The following RBM5 variants were observed in gnomAD, a reference collection of about 807,000 sequenced individuals.
RBM5 encodes RNA binding motif protein 5.
Under a neutral mutation model 124.6 loss-of-function variants are expected in RBM5, and 15 were observed. The ratio of observed to expected loss-of-function variants is 0.12; its 90% confidence interval spans 0.08 to 0.19. The LOEUF (loss-of-function observed/expected upper bound fraction) is 0.19. RBM5 is among the 10% of genes least tolerant of loss of function. The pLI, the probability that RBM5 is intolerant of heterozygous loss-of-function variation, is 1.00. For missense variants in RBM5, 580 were observed against 1,026.5 expected (o/e 0.57, Z 5.94); for synonymous variants, 337 against 361.2 (o/e 0.93, Z 0.76).
At chr3:50,091,886 T>A in intron 2 of RBM5, 157 bp from the exon 3 acceptor site, 1 of 758,758 alleles carries the variant, frequency 1.3e-6, no homozygotes, top group Non-Finnish European at 2.3e-6. Context: ...TTCCCAGTGG[T>A]TATCTTAGTA....
At chr3:50,113,713 G>T (rs2091189799) in intron 18 of RBM5, among the ~76,000 whole-genome samples, 169 bp downstream of exon 18, 2 of 152,162 alleles carry the variant, frequency 1.3e-5, no homozygotes, top group Admixed American at 1.3e-4. Context: ...ACCATATCTT[G>T]ACTGTCAGCC....
At chr3:50,093,902 G>C (rs1198262380) in intron 4 of RBM5, 27 bp downstream of exon 4, 3 of 1,583,888 alleles carry the variant, frequency 1.9e-6, no homozygotes, top group African/African-American at 1.3e-5. Context: ...GTTATAACCA[G>C]CAGTCAGTAG....
At chr3:50,093,422 A>G (rs371658820) in intron 3 of RBM5, among the ~76,000 whole-genome samples, 12 of 150,574 alleles carry the variant, frequency 8.0e-5, no homozygotes, top group African/African-American at 2.9e-4. Flanking sequence ...AGTCTGGGCA[A>G]TAAGAGTGAA....
intron 6 of RBM5, chr3:50,101,485 G>T (rs1407423819): frequency 6.6e-6 from 1 of 152,142 alleles, no homozygotes; most frequent in Non-Finnish European, 1.5e-5. Context: ...ACTAATGAGG[G>T]TATCACTTTG....
Position 50,114,114 on chromosome 3 carries a change from GGC to G in RBM5, c.1767+16_1767+17del. 1 of 1,614,164 alleles carries G rather than the reference GGC, an allele frequency of 6.2e-7. No individual in the cohort carries two copies. Among genetic ancestry groups the G allele is most frequent in the Non-Finnish European group, 8.5e-7 (1 of 1,180,018 alleles). On this transcript the variant is annotated intron_variant, in intron 19 of 24. Coordinates refer to ENST00000347869, the MANE Select transcript of RBM5 (RefSeq NM_005778.4). Reference sequence around the variant, plus strand: ...TTGAGAAGAAGGTAATAGCAGGAATGGCCAGTATGTCATGATGGGAACTTACC... The same window carrying G: ...TTGAGAAGAAGGTAATAGCAGGAATGCAGTATGTCATGATGGGAACTTACC...
chr3:50,090,532 A>T lies in RBM5; in HGVS notation c.17+81A>T. ...CTTGTTTAAAATAGTTTATCAAACT[A>T]ATATATGAGTGTTTTGCGCCAGGCA... On this transcript the variant is annotated intron_variant, in intron 2 of 24. Transcript: ENST00000347869. The T allele has an allele frequency of 3.9e-6, 6 of 1,522,688 alleles. No homozygotes were observed. In the South Asian group the frequency reaches 5.8e-5, roughly 15 times the overall value. 94.3% of individuals were successfully genotyped at this position (1,522,688 alleles called of 1,614,324 possible). A position where few individuals can be genotyped will look rare whatever the true frequency, so the allele number is the denominator to read the frequency against.
At chr3:50,099,680 A>G (rs2090898507) in intron 4 of RBM5, 1 of 176,186 alleles carries the variant, frequency 5.7e-6, no homozygotes, top group Non-Finnish European at 1.2e-5. Context: ...CCTGGGTGAC[A>G]GAGCGAGACT....
rs1414580188 is a variant in RBM5 at position 50,115,755 on chromosome 3, G to T, written c.2019+148G>T. 5 of 1,196,678 alleles carry T rather than the reference G, an allele frequency of 4.2e-6. No individual in the cohort carries two copies. The African/African-American group carries it at 7.7e-5, about 18-fold the overall frequency. 74.1% of individuals were successfully genotyped at this position (1,196,678 alleles called of 1,614,324 possible). ...TTCCCGATGACAGTGGACGGAGTCT[G>T]GCAGCTCCACACACATCAAACTATA... On this transcript the variant is annotated intron_variant, in intron 21 of 24. Coordinates refer to ENST00000347869, the MANE Select transcript of RBM5 (RefSeq NM_005778.4).
intron 17 of RBM5, chr3:50,112,496 C>T (rs2091166542): frequency 6.6e-6 from 1 of 151,648 alleles, no homozygotes; most frequent in South Asian, 2.0e-4. Context: ...ACACTGTCTC[C>T]TGGGTCCCTG....
At chr3:50,093,954 A>T (rs999019926) in intron 4 of RBM5, 79 bp downstream of exon 4, 2 of 1,496,412 alleles carry the variant, frequency 1.3e-6, no homozygotes, top group Non-Finnish European at 9.2e-7. Context: ...TTCTCATGCT[A>T]TTGTTTTATC....
chr3:50,116,263 G>A (rs1386446584), intron 22 of RBM5: 4 of 392,004 alleles, frequency 1.0e-5, no homozygotes, highest in Non-Finnish European at 1.9e-5. Flanking sequence ...TTTTGTTATG[G>A]AGAGAGTGGT....
At chr3:50,110,228 G>A (rs1010568788) in intron 15 of RBM5, 151 bp from the exon 16 acceptor site, 8 of 647,122 alleles carry the variant, frequency 1.2e-5, no homozygotes, top group Non-Finnish European at 2.1e-5. Context: ...AAGCAAAAAA[G>A]TTGTCAACAT....
In RBM5 at chr3:50,115,363, G is replaced by A. The variant is rs1349301328; in HGVS notation, c.1840-65G>A. 4.5e-6 allele frequency: 7 copies of A among 1,556,664 alleles called. No homozygotes were observed. The Admixed American group carries it at 1.2e-4, about 26-fold the overall frequency. ...TTCGGATGAGGCATTACTTTATCCA[G>A]GTACATAGCCACCGCCATCTTCCTA... On this transcript the variant is annotated intron_variant, in intron 20 of 24. Coordinates refer to ENST00000347869, the MANE Select transcript of RBM5 (RefSeq NM_005778.4).
intron 18 of RBM5, 125 bp from the exon 19 acceptor site, chr3:50,113,825 A>G: frequency 9.0e-7 from 1 of 1,111,030 alleles, no homozygotes; most frequent in Non-Finnish European, 1.3e-6. Flanking sequence ...AAATATTTGT[A>G]GGTGGAAGTA....
At position 50,115,516 on chromosome 3, in the gene RBM5, A is replaced by T; in HGVS notation, c.1928A>T (p.Asp643Val). ...RLESEEEKLADWKKMACLLCR... is the reference protein window; with the variant it reads ...RLESEEEKLAVWKKMACLLCR... ...GAGAGTGAGGAAGAGAAGCTAGCTG[A>T]CTGGAAGAAGATGGCCTGTCTGCTC... The change falls in exon 21 of 25, where the codon GAC becomes GTC. Residue 643 changes from aspartate (D) to valine (V), a missense_variant. Transcript: ENST00000347869. 6.2e-7 allele frequency: 1 copy of T among 1,614,032 alleles called. No individual in the cohort carries two copies.
chr3:50,092,943 CTTTTTTTTTTTTTTTT>C (rs530934301), intron 3 of RBM5: 5 of 79,196 alleles, frequency 6.3e-5, no homozygotes, highest in South Asian at 2.9e-4. Flanking sequence ...CTTGATATAT[CTTTTTTTTTTTTTTTT>C]TTTTTTTTTT....
chr3:50,110,951 A>C (rs2091132741), intron 17 of RBM5, 181 bp downstream of exon 17: 1 of 584,138 alleles, frequency 1.7e-6, no homozygotes, highest in Admixed American at 3.4e-5. Context: ...TAGGGTTAAA[A>C]AATGTTTTGA....
intron 4 of RBM5, among the ~76,000 whole-genome samples, chr3:50,097,115 G>C (rs1231270551): frequency 2.0e-5 from 3 of 152,140 alleles, no homozygotes; most frequent in Admixed American, 2.0e-4. Flanking sequence ...CTGAGGGTTG[G>C]CCAGGTGCGG....
chr3:50,101,212 G>A (rs1175683186), intron 6 of RBM5: 2 of 152,130 alleles, frequency 1.3e-5, no homozygotes, highest in African/African-American at 4.8e-5. Context: ...TTCAAAGCAA[G>A]TCATTGATGG....
Sources: gnomAD v4.1 joint callset for allele counts (sites outside exome capture counted in the v4.1 genomes callset) on GRCh38, gnomAD v4.1.1 for gene constraint, MANE v1.5 for transcripts, NCBI Gene and HGNC (gene_info 2026-07-23, HGNC 2026-07-21) for gene names.